MFHAS1: variants seen among roughly 807,000 people sequenced by gnomAD.
The protein encoded by MFHAS1 is malignant fibrous histiocytoma-amplified sequence 1.
Under a neutral mutation model 70.4 loss-of-function variants are expected in MFHAS1, and 50 were observed. That is an observed-to-expected ratio of 0.71 (90% CI 0.57 to 0.90). The LOEUF (loss-of-function observed/expected upper bound fraction) is 0.90, where lower values mean the gene tolerates loss of function less well. Ranked by LOEUF, MFHAS1 falls within the 40% of genes least tolerant of loss-of-function variation. The pLI is 0.00. For synonymous variants in MFHAS1, 952 were observed against 620.0 expected (o/e 1.54, Z -7.96); for missense variants, 1,795 against 1,347.6 (o/e 1.33, Z -5.20).
At chr8:8,828,272 T>C (rs975810946) in intron 1 of MFHAS1, among the ~76,000 whole-genome samples, 9 of 152,238 alleles carry the variant, frequency 5.9e-5, no homozygotes, top group African/African-American at 1.4e-4. Flanking sequence ...CAACAGGAAC[T>C]GTTTAACAAG....
chr8:8,863,974 C>T (rs762156346), intron 1 of MFHAS1, among the ~76,000 whole-genome samples: 16 of 152,174 alleles, frequency 1.1e-4, no homozygotes, highest in Non-Finnish European at 1.9e-4. Context: ...CCTCAGTGAC[C>T]ACCAGCTTCC....
chr8:8,879,633 A>G (rs766310603), intron 1 of MFHAS1, among the ~76,000 whole-genome samples: 1 of 152,188 alleles, frequency 6.6e-6, no homozygotes, highest in Non-Finnish European at 1.5e-5. Context: ...TGGAAAAATC[A>G]AAAGCCAGGG....
chr8:8,881,729 G>C (rs1328511751), intron 1 of MFHAS1, among the ~76,000 whole-genome samples: 1 of 151,436 alleles, frequency 6.6e-6, no homozygotes, highest in Non-Finnish European at 1.5e-5. Flanking sequence ...AGCTACTCGA[G>C]AGGCTGAGAC....
At chr8:8,889,957 G>GA (rs1809922996) in intron 1 of MFHAS1, 104 bp downstream of exon 1, 3 of 953,678 alleles carry the variant, frequency 3.1e-6, no homozygotes, top group Admixed American at 2.8e-5. Flanking sequence ...CTTTCCTGGA[G>GA]AACCCGTGAA....
At chr8:8,868,515 C>G (rs1017213579) in intron 1 of MFHAS1, among the ~76,000 whole-genome samples, 22 of 151,730 alleles carry the variant, frequency 1.4e-4, no homozygotes, top group Non-Finnish European at 4.4e-5. Flanking sequence ...CCCTTCCAAA[C>G]AGATATGCAC....
intron 1 of MFHAS1, among the ~76,000 whole-genome samples, chr8:8,869,512 A>C (rs893538572): frequency 5.9e-5 from 9 of 152,156 alleles, no homozygotes; most frequent in African/African-American, 2.2e-4. Flanking sequence ...TTAAGAAATA[A>C]AGAACCTTAT....
chr8:8,791,779 G>A (rs1805727124), intron 2 of MFHAS1, among the ~76,000 whole-genome samples: 1 of 152,000 alleles, frequency 6.6e-6, no homozygotes, highest in Admixed American at 6.6e-5. Flanking sequence ...AAATATCTAG[G>A]GCCTAATTAG....
intron 1 of MFHAS1, among the ~76,000 whole-genome samples, chr8:8,865,293 A>G (rs1048684636): frequency 7.9e-5 from 12 of 151,776 alleles, no homozygotes; most frequent in African/African-American, 2.4e-4. Context: ...AAAAAAAAAA[A>G]AAAAAAAGAA....
chr8:8,876,506 A>C (rs922794221), intron 1 of MFHAS1, among the ~76,000 whole-genome samples: 3 of 151,948 alleles, frequency 2.0e-5, no homozygotes, highest in Admixed American at 6.5e-5. Context: ...AGGATGAGGC[A>C]GGCAGACTGC....
At chr8:8,858,186 G>A (rs990827820) in intron 1 of MFHAS1, among the ~76,000 whole-genome samples, 13 of 152,136 alleles carry the variant, frequency 8.5e-5, no homozygotes, top group Admixed American at 8.5e-4. Flanking sequence ...AAGCCAGCAA[G>A]GGAAGGAAGG....
intron 1 of MFHAS1, among the ~76,000 whole-genome samples, chr8:8,886,028 C>T (rs1000008271): frequency 6.6e-6 from 1 of 152,298 alleles, no homozygotes; most frequent in East Asian, 1.9e-4. Flanking sequence ...TCCTGTCACT[C>T]AACCCATTTG....
intron 1 of MFHAS1, among the ~76,000 whole-genome samples, chr8:8,846,283 AGGG>A (rs1808032260): frequency 2.9e-5 from 2 of 68,914 alleles, no homozygotes; most frequent in Non-Finnish European, 5.3e-5. Context: ...AAGGAGGAGG[AGGG>A]GGAGGAGGAT....
At chr8:8,844,420 A>C (rs140649779) in intron 1 of MFHAS1, among the ~76,000 whole-genome samples, 2 of 152,352 alleles carry the variant, frequency 1.3e-5, no homozygotes, top group African/African-American at 4.8e-5. Flanking sequence ...ACACTTAGCC[A>C]GTCTTGTTTA....
rs759785690 is a variant in MFHAS1 at position 8,892,897 on chromosome 8, G to C, written c.162C>G (p.Pro54=). 1.6e-5 allele frequency: 25 copies of C among 1,572,712 alleles called. No homozygotes were observed. The highest frequency in any genetic ancestry group is 1.4e-4 in the African/African-American group (10 of 72,252). ...GADALESPAS[P]QLVLPANLGD... is the part of the protein sequence containing the mutation. ...CGAGGTTGGCCGGCAGCACGAGCTG[G>C]GGGGAGGCGGGGGACTCGAGCGCGT... The change falls in exon 1 of 3, where the codon CCC becomes CCG. Residue 54 remains proline, a synonymous_variant. Coordinates refer to ENST00000276282, the MANE Select transcript of MFHAS1 (RefSeq NM_004225.3). The surrounding 1 kb of genome is among the most constrained non-coding windows in gnomAD (Gnocchi z 4.7).
intron 1 of MFHAS1, among the ~76,000 whole-genome samples, chr8:8,805,835 T>C (rs545316874): frequency 1.3e-5 from 2 of 152,242 alleles, no homozygotes; most frequent in South Asian, 4.2e-4. Flanking sequence ...ATAGCTGGGA[T>C]TACAGGCGCG....
At chr8:8,847,566 CATT>C (rs1808082470) in intron 1 of MFHAS1, among the ~76,000 whole-genome samples, 1 of 152,182 alleles carries the variant, frequency 6.6e-6, no homozygotes, top group African/African-American at 2.4e-5. Flanking sequence ...AATGGAAATT[CATT>C]ATTGATAAGA....
At chr8:8,838,240 C>T (rs1297524098) in intron 1 of MFHAS1, among the ~76,000 whole-genome samples, 1 of 152,110 alleles carries the variant, frequency 6.6e-6, no homozygotes, top group Non-Finnish European at 1.5e-5. Flanking sequence ...TCAGTGGTTG[C>T]CTGAGGCTGG....
chr8:8,830,639 T>C (rs911306629), intron 1 of MFHAS1, among the ~76,000 whole-genome samples: 1 of 152,162 alleles, frequency 6.6e-6, no homozygotes, highest in African/African-American at 2.4e-5. Flanking sequence ...TTCTTGCTCT[T>C]TCTTCTAGGC....
intron 1 of MFHAS1, among the ~76,000 whole-genome samples, chr8:8,832,656 T>C (rs1440601243): frequency 4.8e-5 from 6 of 124,402 alleles, no homozygotes; most frequent in Non-Finnish European, 9.8e-5. Context: ...CAAGACAGAG[T>C]CTCTCTCTGT....
Sources: allele counts gnomAD v4.1 joint callset (sites outside exome capture counted in the v4.1 genomes callset), GRCh38; gene constraint gnomAD v4.1.1; non-coding constraint Gnocchi (gnomAD v3.1); transcripts MANE v1.5; gene names NCBI Gene and HGNC (gene_info 2026-07-23, HGNC 2026-07-21).